Variants in DLG2 observed in about 807,000 individuals in gnomAD.
DLG2 encodes disks large homolog 2.
DLG2 carries 45 observed loss-of-function variants against 132.5 expected under a neutral mutation model. The ratio of observed to expected loss-of-function variants is 0.34; its 90% CI spans 0.27 to 0.44. The LOEUF is 0.44. DLG2 is among the 20% of genes least tolerant of loss of function. DLG2 has a pLI of 1.00. For synonymous variants in DLG2, 424 were observed against 419.6 expected (o/e 1.01, Z -0.13); for missense variants, 1,045 against 1,196.9 (o/e 0.87, Z 1.87).
intron 6 of DLG2, among the ~76,000 whole-genome samples, chr11:84,769,300 T>A (rs1353976505): frequency 6.6e-6 from 1 of 152,128 alleles, no homozygotes; most frequent in Non-Finnish European, 1.5e-5. Context: ...ATCATTCAGT[T>A]CTTCTGGAAT....
chr11:85,570,682 C>G (rs997005008), intron 3 of DLG2, among the ~76,000 whole-genome samples: 1 of 152,078 alleles, frequency 6.6e-6, no homozygotes, highest in Non-Finnish European at 1.5e-5. Flanking sequence ...CTTTCAAATA[C>G]TTCAAATTTC....
At chr11:85,064,971 C>T (rs751092822) in intron 6 of DLG2, among the ~76,000 whole-genome samples, 1 of 151,468 alleles carries the variant, frequency 6.6e-6, no homozygotes, top group Non-Finnish European at 1.5e-5. Context: ...GTATAAAGTA[C>T]CGATATAGGT....
chr11:84,953,876 T>C (rs1384655198), intron 6 of DLG2, among the ~76,000 whole-genome samples: 3 of 152,162 alleles, frequency 2.0e-5, no homozygotes, highest in African/African-American at 7.2e-5. Context: ...TTCCAGGCAG[T>C]TGAAATGCTT....
chr11:84,743,633 A>G (rs2064976308), intron 6 of DLG2, among the ~76,000 whole-genome samples: 1 of 152,204 alleles, frequency 6.6e-6, no homozygotes, highest in Admixed American at 6.5e-5. Flanking sequence ...TAATATATAC[A>G]TTGGGGTCTT....
At position 84,853,994 on chromosome 11, in the gene DLG2, T is replaced by C. The variant is rs188750078; in HGVS notation, c.357+257667A>G. Among the ~76,000 whole-genome samples, 7 of 152,108 alleles carry C rather than the reference T, an allele frequency of 4.6e-5. No homozygotes were observed. In the East Asian group the frequency reaches 1.4e-3, roughly 30 times the overall value. Reference sequence around the variant, plus strand: ...GTATGTGAGCTCTGGAGGCCTGCAATTGTCCCTAACAGCCATGGAGGATGG... The same window carrying C: ...GTATGTGAGCTCTGGAGGCCTGCAACTGTCCCTAACAGCCATGGAGGATGG... On this transcript the variant is annotated intron_variant, in intron 6 of 27. Transcript: ENST00000376104.
chr11:84,261,853 G>T (rs2097551256), intron 7 of DLG2, among the ~76,000 whole-genome samples: 1 of 152,132 alleles, frequency 6.6e-6, no homozygotes, highest in South Asian at 2.1e-4. Flanking sequence ...TGGGGCAACA[G>T]AATTAGATAC....
chr11:84,717,126 C>T (rs1005543613), intron 6 of DLG2, among the ~76,000 whole-genome samples: 5 of 151,968 alleles, frequency 3.3e-5, no homozygotes, highest in Non-Finnish European at 5.9e-5. Context: ...TTAGAGCAAA[C>T]AGTTTTAGTG....
chr11:85,481,367 T>C (rs2093284899), intron 3 of DLG2, among the ~76,000 whole-genome samples: 1 of 152,122 alleles, frequency 6.6e-6, no homozygotes, highest in South Asian at 2.1e-4. Flanking sequence ...TGCACAAAAA[T>C]ACTTTCACAA....
chr11:84,829,083 A>G (rs776285991), intron 6 of DLG2, among the ~76,000 whole-genome samples: 3 of 151,694 alleles, frequency 2.0e-5, no homozygotes, highest in Non-Finnish European at 4.4e-5. Context: ...ACATTTTTAT[A>G]TAAGCCTGAG....
chr11:84,373,270 C>CAAAAAAAAAAAA (rs1299753951), intron 7 of DLG2, among the ~76,000 whole-genome samples: 1 of 45,168 alleles, frequency 2.2e-5, no homozygotes, highest in Non-Finnish European at 4.4e-5. Flanking sequence ...AAAAACAAAA[C>CAAAAAAAAAAAA]AAAAAAAAAA....
intron 6 of DLG2, among the ~76,000 whole-genome samples, chr11:84,553,747 G>A (rs2099406483): frequency 6.6e-6 from 1 of 152,168 alleles, no homozygotes; most frequent in African/African-American, 2.4e-5. Flanking sequence ...TTAAACGGTT[G>A]TGTTAGATTA....
At chr11:84,909,764 T>C (rs892603964) in intron 6 of DLG2, among the ~76,000 whole-genome samples, 3 of 152,146 alleles carry the variant, frequency 2.0e-5, no homozygotes, top group Non-Finnish European at 4.4e-5. Flanking sequence ...ATAGACATTT[T>C]ATGTGCGTTT....
Position 83,471,214 on chromosome 11 carries a change from C to T in DLG2, c.2446+412G>A, listed in dbSNP as rs577910179. ...TTGGGTTTTGGGATTGACATATGGC[C>T]CTAAGTCATCCTGAGAGGATTTTAA... On this transcript the variant is annotated intron_variant, in intron 24 of 27. Coordinates refer to ENST00000376104, the MANE Select transcript of DLG2 (RefSeq NM_001142699.3). 2.3e-4 allele frequency among the ~76,000 whole-genome samples: 35 copies of T among 152,080 alleles called. No homozygotes were observed. In the South Asian group the frequency reaches 7.1e-3, roughly 31 times the overall value.
chr11:84,239,379 C>T (rs10898218), intron 8 of DLG2, among the ~76,000 whole-genome samples: 15,655 of 152,004 alleles, frequency 0.1, 1,132 homozygotes, highest in East Asian at 0.24. Context: ...CAGGGTTTCA[C>T]CATTTTGGCC....
At chr11:84,766,769 G>T (rs1192900600) in intron 6 of DLG2, among the ~76,000 whole-genome samples, 1 of 152,020 alleles carries the variant, frequency 6.6e-6, no homozygotes, top group Non-Finnish European at 1.5e-5. Context: ...AATAGAAATA[G>T]CCCATGCTTT....
At chr11:84,502,498 C>T (rs923164778) in intron 7 of DLG2, among the ~76,000 whole-genome samples, 3 of 149,884 alleles carry the variant, frequency 2.0e-5, no homozygotes, top group Admixed American at 6.8e-5. Context: ...CAGGTACAAG[C>T]GATTCTCGTT....
chr11:84,969,829 T>C (rs2053822010), intron 6 of DLG2, among the ~76,000 whole-genome samples: 1 of 152,128 alleles, frequency 6.6e-6, no homozygotes, highest in African/African-American at 2.4e-5. Context: ...CATGGAATAC[T>C]ATGCAGCCAT....
intron 5 of DLG2, among the ~76,000 whole-genome samples, chr11:85,131,297 A>C (rs1566910665): frequency 1.3e-5 from 2 of 152,116 alleles, no homozygotes; most frequent in African/African-American, 4.8e-5. Context: ...ACTTTTGATA[A>C]CTTATTTTTA....
rs1022382498 is a variant in DLG2, at chr11:85,243,622, T to C, written c.186+41598A>G. Among the ~76,000 whole-genome samples the C allele has an allele frequency of 2.6e-5, 4 of 151,906 alleles. No homozygotes were observed. In the East Asian group the frequency reaches 5.8e-4, roughly 22 times the overall value. ...TCAAAGCAGCAGTTGGCCTTACCAA[T>C]GCATGAGACCAGTTTTATTGCAAAG... On this transcript the variant is annotated intron_variant, in intron 4 of 27. Coordinates refer to ENST00000376104, the MANE Select transcript of DLG2 (RefSeq NM_001142699.3).
Sources: allele counts gnomAD v4.1 joint callset (sites outside exome capture counted in the v4.1 genomes callset), GRCh38; gene constraint gnomAD v4.1.1; transcripts MANE v1.5; gene names NCBI Gene and HGNC (gene_info 2026-07-23, HGNC 2026-07-21).